Variants in DNAH11 observed in about 807,000 individuals in gnomAD.
DNAH11 encodes axonemal beta dynein heavy chain 11.
A neutral mutation model predicts 526.0 loss-of-function variants in DNAH11; 442 were observed. That is an observed-to-expected ratio of 0.84 (90% CI 0.78 to 0.91). The LOEUF (loss-of-function observed/expected upper bound fraction) is 0.91, where lower values mean the gene tolerates loss of function less well. DNAH11 is among the 40% of genes least tolerant of loss of function. The pLI is 0.00. For synonymous variants in DNAH11, 2,461 were observed against 1,935.9 expected (o/e 1.27, Z -7.12); for missense variants, 6,989 against 5,448.7 (o/e 1.28, Z -8.90).
At position 21,548,477 on chromosome 7, in the gene DNAH11, G is replaced by T. The variant is rs187615841; in HGVS notation, c.495+3328G>T. On this transcript the variant is annotated intron_variant, in intron 2 of 81. Transcript: ENST00000409508. The stretch of plus-strand genomic sequence containing the variant: ...CTTAAATTTATTAGGCATCCCCCTA[G>T]GGACACCTACGGAGTTAACATATAT... 9.9e-5 allele frequency among the ~76,000 whole-genome samples: 15 copies of T among 152,228 alleles called. No individual in the cohort carries two copies. The East Asian group carries it at 2.9e-3, about 29-fold the overall frequency.
In DNAH11 at chr7:21,779,079, C is replaced by T; in HGVS notation, c.9458C>T (p.Thr3153Ile). 1 of 1,613,076 alleles carries T rather than the reference C, an allele frequency of 6.2e-7. No individual in the cohort carries two copies. Among genetic ancestry groups the T allele is most frequent in the Non-Finnish European group, 8.5e-7 (1 of 1,179,316 alleles). The change falls in exon 57 of 82, where the codon ACC becomes ATC. Residue 3153 changes from threonine to isoleucine, a missense_variant. By Grantham distance (89) the Thr-to-Ile change is moderately conservative. Coordinates refer to ENST00000409508, the MANE Select transcript of DNAH11 (RefSeq NM_001277115.2). ...LQTEKVSREK[T>I]IADAEERKVT... is the part of the protein sequence containing the mutation. ...ACGGAGAAAGTGAGCCGGGAAAAGACCATCGCTGATGCTGAGGAGCGAAAG... is the reference window on the plus strand; with the variant it reads ...ACGGAGAAAGTGAGCCGGGAAAAGATCATCGCTGATGCTGAGGAGCGAAAG...
At chr7:21,561,436 T>G in intron 5 of DNAH11, 1 of 318,060 alleles carries the variant, frequency 3.1e-6, no homozygotes, top group Non-Finnish European at 5.6e-6. Context: ...AGTGAGGCCT[T>G]CATTCGGAGT....
chr7:21,710,809 T>A, intron 41 of DNAH11, 106 bp downstream of exon 41: 4 of 1,099,796 alleles, frequency 3.6e-6, no homozygotes, highest in Non-Finnish European at 5.0e-6. Context: ...TAACCTGGGA[T>A]TCTTTATGTA....
intron 51 of DNAH11, 60 bp downstream of exon 51, chr7:21,745,123 T>C: frequency 6.6e-7 from 1 of 1,514,234 alleles, no homozygotes; most frequent in Non-Finnish European, 9.0e-7. Context: ...TATCCACTAC[T>C]GTCATTTTTC....
Position 21,836,049 on chromosome 7 carries a change from T to G in DNAH11, c.10692-6495T>G, listed in dbSNP as rs145878528. On this transcript the variant is annotated intron_variant, in intron 65 of 81. Coordinates refer to ENST00000409508, the MANE Select transcript of DNAH11 (RefSeq NM_001277115.2). ...AACCTAAGAAATTTAACCAAGGAGG[T>G]GAAAAATCCTTACAAAGAAAACTAC... 1.8e-3 allele frequency among the ~76,000 whole-genome samples: 270 copies of G among 151,704 alleles called. 2 individuals are homozygous for G. Among genetic ancestry groups the G allele is most frequent in the African/African-American group, 6.1e-3 (252 of 41,372 alleles).
In DNAH11 at chr7:21,558,814, G is replaced by T. The variant is rs753174102; in HGVS notation, c.508G>T (p.Val170Phe). The change falls in exon 3 of 82, where the codon GTT becomes TTT. Residue 170 changes from valine (V) to phenylalanine (F), a missense_variant. Coordinates refer to ENST00000409508, the MANE Select transcript of DNAH11 (RefSeq NM_001277115.2). Reference protein sequence around the residue: ...SAFLDEILVPVLSNKNNHKSW... With the variant: ...SAFLDEILVPFLSNKNNHKSW... ...TCTCTTTCTCTAGATTTTAGTGCCA[G>T]TTCTTTCTAATAAGAACAACCATAA... 3 of 1,582,552 alleles carry T rather than the reference G, an allele frequency of 1.9e-6. No individual in the cohort carries two copies. Among genetic ancestry groups the T allele is most frequent in the Admixed American group, 1.9e-5 (1 of 53,262 alleles).
intron 30 of DNAH11, among the ~76,000 whole-genome samples, chr7:21,675,274 C>T (rs778820084): frequency 6.6e-6 from 1 of 152,218 alleles, no homozygotes; most frequent in African/African-American, 2.4e-5. Flanking sequence ...CTATGCCGCC[C>T]ACTCCTGCCA....
chr7:21,840,515 C>T (rs1782165395), intron 65 of DNAH11, among the ~76,000 whole-genome samples: 1 of 152,206 alleles, frequency 6.6e-6, no homozygotes, highest in African/African-American at 2.4e-5. Flanking sequence ...CTCTAGGCCT[C>T]ATAAGAAGTT....
chr7:21,842,819 G>A, intron 66 of DNAH11, 71 bp downstream of exon 66: 1 of 1,329,928 alleles, frequency 7.5e-7, no homozygotes, highest in Non-Finnish European at 1.0e-6. Flanking sequence ...GCTAGACATA[G>A]AAGTATAAAA....
Position 21,561,093 on chromosome 7 carries a change from A to T in DNAH11, c.905A>T (p.Lys302Ile). ...TAGCTTCAGGCACCTGTTGTCCTCA[A>T]AATGGTTAAGATCCTGACAACTAAA... is the stretch of plus-strand genomic sequence containing the variant. Reference protein sequence around the residue: ...YDQLQAPVVLKMVKILTTKQS... With the variant: ...YDQLQAPVVLIMVKILTTKQS... The change falls in exon 5 of 82, where the codon AAA (lysine) becomes ATA (isoleucine). Residue 302 changes from lysine to isoleucine, a missense_variant. Physicochemically the swap from Lys to Ile is moderately radical, Grantham distance 102. Transcript: ENST00000409508. 1.9e-6 allele frequency: 3 copies of T among 1,601,914 alleles called. No individual in the cohort carries two copies. The highest frequency in any genetic ancestry group is 2.6e-6 in the Non-Finnish European group (3 of 1,173,822).
chr7:21,698,041 C>T (rs1236339794), intron 35 of DNAH11, 34 bp from the exon 36 acceptor site: 2 of 1,580,550 alleles, frequency 1.3e-6, no homozygotes, highest in Non-Finnish European at 1.7e-6. Flanking sequence ...CACCTTGTCA[C>T]ATTTTAAAAC....
At chr7:21,648,211 G>A (rs572809823) in intron 28 of DNAH11, among the ~76,000 whole-genome samples, 1 of 152,196 alleles carries the variant, frequency 6.6e-6, no homozygotes, top group Non-Finnish European at 1.5e-5. Flanking sequence ...TAAGTAACAG[G>A]CAAAACAAAG....
intron 14 of DNAH11, among the ~76,000 whole-genome samples, chr7:21,597,226 T>G (rs1360596495): frequency 1.3e-5 from 2 of 152,180 alleles, no homozygotes; most frequent in African/African-American, 4.8e-5. Flanking sequence ...TTCTCATCAA[T>G]GTGACTGTAG....
At position 21,901,409 on chromosome 7, in the gene DNAH11, A is replaced by G; in HGVS notation, c.*155A>G. 3 of 1,125,296 alleles carry G rather than the reference A, an allele frequency of 2.7e-6. No individual in the cohort carries two copies. Among genetic ancestry groups the G allele is most frequent in the Non-Finnish European group, 3.5e-6 (3 of 856,304 alleles). 69.7% of individuals were successfully genotyped at this position (1,125,296 alleles called of 1,614,324 possible). On this transcript the variant is annotated 3_prime_UTR_variant, in exon 82 of 82. Transcript: ENST00000409508. ...TCCTTAGAGTGAAAGTCAGAAAAAA[A>G]TACTAGAAACTAACTCAGGGCTGAG...
At chr7:21,900,226 C>A in intron 81 of DNAH11, 106 bp downstream of exon 81, 1 of 1,207,252 alleles carries the variant, frequency 8.3e-7, no homozygotes, top group East Asian at 2.6e-5. Flanking sequence ...CACACAGTAA[C>A]CTTATGCTAG....
intron 14 of DNAH11, among the ~76,000 whole-genome samples, chr7:21,598,212 C>T (rs1034017383): frequency 3.9e-5 from 6 of 152,192 alleles, no homozygotes; most frequent in Non-Finnish European, 5.9e-5. Flanking sequence ...ATAATCAGCT[C>T]TTATTCCAAT....
At chr7:21,804,725 G>A (rs907155658) in intron 62 of DNAH11, among the ~76,000 whole-genome samples, 2 of 152,092 alleles carry the variant, frequency 1.3e-5, no homozygotes, top group East Asian at 1.9e-4. Flanking sequence ...CCAGGCTGTG[G>A]CATCTCTCCC....
chr7:21,862,789 C>T (rs965577455), intron 69 of DNAH11, among the ~76,000 whole-genome samples: 42 of 152,178 alleles, frequency 2.8e-4, no homozygotes, highest in African/African-American at 9.1e-4. Flanking sequence ...TAAATAAAAG[C>T]GTTCATGGCC....
intron 56 of DNAH11, among the ~76,000 whole-genome samples, chr7:21,776,491 G>A (rs1487632368): frequency 6.6e-6 from 1 of 152,164 alleles, no homozygotes; most frequent in Non-Finnish European, 1.5e-5. Context: ...CTGCCTTAAG[G>A]AATGCCACAT....
Sources: gnomAD v4.1 joint callset for allele counts (sites outside exome capture counted in the v4.1 genomes callset) on GRCh38, gnomAD v4.1.1 for gene constraint, MANE v1.5 for transcripts, NCBI Gene and HGNC (gene_info 2026-07-23, HGNC 2026-07-21) for gene names.